The following PMFBP1 variants were observed in gnomAD, a reference collection of about 807,000 sequenced individuals.
PMFBP1 encodes polyamine modulated factor 1 binding protein 1.
Under a neutral mutation model 137.8 loss-of-function variants are expected in PMFBP1, and 131 were observed. The ratio of observed to expected loss-of-function variants is 0.95; its 90% CI spans 0.82 to 1.10. The LOEUF (loss-of-function observed/expected upper bound fraction) is 1.10, where lower values mean the gene tolerates loss of function less well. PMFBP1 is among the 50% of genes least tolerant of loss of function. PMFBP1 has a pLI of 0.00. For missense variants in PMFBP1, 1,199 were observed against 1,175.4 expected (o/e 1.02, Z -0.29); for synonymous variants, 490 against 450.4 (o/e 1.09, Z -1.11).
At chr16:72,234,271 A>G in the PMFBP1 span, among the ~76,000 whole-genome samples, 9 of 152,150 alleles carry the variant, frequency 5.9e-5, no homozygotes, top group Non-Finnish European at 1.0e-4. Flanking sequence ...TGCCAAACAG[A>G]TGGAGAGAAC....
chr16:72,141,270 T>A (rs2042718548), intron 5 of PMFBP1, among the ~76,000 whole-genome samples: 1 of 152,220 alleles, frequency 6.6e-6, no homozygotes, highest in African/African-American at 2.4e-5. Flanking sequence ...ATTTAAACAT[T>A]GTGTTTTCAC....
chr16:72,125,044 T>G, intron 16 of PMFBP1, 110 bp from the exon 17 acceptor site: 1 of 1,437,954 alleles, frequency 7.0e-7, no homozygotes. Context: ...TTGGGGGTAT[T>G]TTCTTCTCAG....
the PMFBP1 span, among the ~76,000 whole-genome samples, chr16:72,190,529 A>C: frequency 6.6e-6 from 1 of 152,178 alleles, no homozygotes; most frequent in Non-Finnish European, 1.5e-5. Context: ...GTCTTTCTAG[A>C]AGTTTCATAA....
At chr16:72,149,084 G>C (rs550657158) in intron 5 of PMFBP1, among the ~76,000 whole-genome samples, 1 of 152,150 alleles carries the variant, frequency 6.6e-6, no homozygotes, top group Non-Finnish European at 1.5e-5. Flanking sequence ...CCTTTCACTG[G>C]TGTTAATACC....
chr16:72,129,501 A>G (rs908316042), intron 12 of PMFBP1, among the ~76,000 whole-genome samples: 3 of 152,266 alleles, frequency 2.0e-5, no homozygotes, highest in African/African-American at 7.2e-5. Context: ...CCCAAAGATT[A>G]GGAAGATTCC....
chr16:72,215,891 G>C, the PMFBP1 span, among the ~76,000 whole-genome samples: 1 of 152,210 alleles, frequency 6.6e-6, no homozygotes, highest in African/African-American at 2.4e-5. Flanking sequence ...TTTTTGTCAG[G>C]AAGAGGATAA....
At chr16:72,221,032 C>T in the PMFBP1 span, among the ~76,000 whole-genome samples, 5 of 151,950 alleles carry the variant, frequency 3.3e-5, no homozygotes, top group African/African-American at 7.3e-5. Context: ...CTAGAGAGAG[C>T]AAGGGTGGGG....
At chr16:72,139,522 G>C in intron 6 of PMFBP1, 123 bp from the exon 7 acceptor site, 1 of 778,440 alleles carries the variant, frequency 1.3e-6, no homozygotes, top group South Asian at 1.6e-5. Flanking sequence ...CAATTCATCA[G>C]GCATTCCCTG....
At chr16:72,121,432 C>T (rs2042375797) in intron 19 of PMFBP1, among the ~76,000 whole-genome samples, 1 of 152,212 alleles carries the variant, frequency 6.6e-6, no homozygotes, top group Non-Finnish European at 1.5e-5. Context: ...CATTGGCCTC[C>T]TTATTCCAAA....
Position 72,130,546 on chromosome 16 carries a change from G to A in PMFBP1, c.1624C>T (p.Gln542Ter), listed in dbSNP as rs1169793953. 6.2e-7 allele frequency: 1 copy of A among 1,614,086 alleles called. No individual in the cohort carries two copies. Among genetic ancestry groups the A allele is most frequent in the Admixed American group, 1.7e-5 (1 of 60,014 alleles). ...QKESSMAEKE[Q>*]TSNRKRVEEL... is the part of the protein sequence containing the mutation. Reference sequence around the variant, plus strand: ...GAGCCTGGGCACCTGTTGGAGGTTTGTTCCTTCTCAGCCATCGAGGACTCC... The same window carrying A: ...GAGCCTGGGCACCTGTTGGAGGTTTATTCCTTCTCAGCCATCGAGGACTCC... Residue 542 changes from glutamine to a stop codon, truncating the protein, a stop_gained, in exon 11 of 21, where the codon CAA (glutamine) becomes TAA (stop). Transcript: ENST00000237353. LOFTEE classifies it high-confidence loss of function.
the PMFBP1 span, among the ~76,000 whole-genome samples, chr16:72,215,447 A>G: frequency 6.6e-6 from 1 of 152,168 alleles, no homozygotes; most frequent in African/African-American, 2.4e-5. Flanking sequence ...TAATCATATC[A>G]GAAGATAATA....
intron 3 of PMFBP1, among the ~76,000 whole-genome samples, chr16:72,162,633 C>T (rs1325708323): frequency 1.3e-5 from 2 of 152,314 alleles, no homozygotes; most frequent in East Asian, 3.9e-4. Context: ...GATTTGTATG[C>T]ATAGTCTGCT....
At chr16:72,129,860 T>A (rs1317778457) in intron 12 of PMFBP1, among the ~76,000 whole-genome samples, 2 of 152,114 alleles carry the variant, frequency 1.3e-5, no homozygotes, top group Non-Finnish European at 2.9e-5. Flanking sequence ...CTTTTTCTTT[T>A]TTTTGAGACA....
In PMFBP1 at chr16:72,130,228, A is replaced by T; in HGVS notation, c.1767T>A (p.Asp589Glu). ...CCCGTCATACCTGGTGCTTGATACG[A>T]TCAAGCATGTCATTCATTTTCATAT... ...EQDMKMNDML[D>E]RIKHQHREQG... The change falls in exon 12 of 21, where the codon GAT becomes GAA. Residue 589 changes from aspartate to glutamate, a missense_variant. Asp to Glu is a conservative substitution (Grantham distance 45). Transcript: ENST00000237353. 6.2e-7 allele frequency: 1 copy of T among 1,613,502 alleles called. No individual in the cohort carries two copies. The highest frequency in any genetic ancestry group is 1.1e-5 in the South Asian group (1 of 91,084).
intron 5 of PMFBP1, among the ~76,000 whole-genome samples, chr16:72,147,929 T>A (rs2042837504): frequency 6.6e-6 from 1 of 152,160 alleles, no homozygotes; most frequent in African/African-American, 2.4e-5. Flanking sequence ...GGTGGGAGTG[T>A]AAATTAGTTC....
chr16:72,132,848 C>T lies in PMFBP1; in HGVS notation c.1347G>A (p.Lys449=), dbSNP rs767149938. ...TELEMTVKEA[K]QDKSKEAECK... is the part of the protein sequence containing the mutation. ...ACTCCGCCTCCTTGGACTTGTCCTG[C>T]TTAGCCTCCTTGACTGTCATTTCAA... Residue 449 remains lysine, a synonymous_variant, in exon 10 of 21, where the codon AAG becomes AAA. Coordinates refer to ENST00000237353, the MANE Select transcript of PMFBP1 (RefSeq NM_031293.3). 3.1e-6 allele frequency: 5 copies of T among 1,614,216 alleles called. No individual in the cohort carries two copies. The highest frequency in any genetic ancestry group is 1.7e-5 in the Admixed American group (1 of 60,018).
intron 4 of PMFBP1, among the ~76,000 whole-genome samples, chr16:72,152,308 T>C (rs1473756507): frequency 1.3e-5 from 2 of 152,080 alleles, no homozygotes; most frequent in African/African-American, 4.8e-5. Context: ...GAGTCCTGTA[T>C]GTATTCTCCC....
intron 19 of PMFBP1, 87 bp from the exon 20 acceptor site, chr16:72,120,176 A>G: frequency 6.3e-7 from 1 of 1,593,836 alleles, no homozygotes; most frequent in Non-Finnish European, 8.6e-7. Flanking sequence ...AAGGTGTCAC[A>G]GGGAAGACAG....
chr16:72,191,729 C>T, the PMFBP1 span, among the ~76,000 whole-genome samples: 1 of 152,112 alleles, frequency 6.6e-6, no homozygotes, highest in African/African-American at 2.4e-5. Flanking sequence ...GAGTTCTCCT[C>T]TTGAGGTATG....
Sources: gnomAD v4.1 joint callset for allele counts (sites outside exome capture counted in the v4.1 genomes callset) on GRCh38, gnomAD v4.1.1 for gene constraint, MANE v1.5 for transcripts, NCBI Gene and HGNC (gene_info 2026-07-23, HGNC 2026-07-21) for gene names.